The following MTMR3 variants were observed in gnomAD, a reference collection of about 807,000 sequenced individuals.
MTMR3 encodes myotubularin related protein 3, also known as phosphatidylinositol-3,5-bisphosphate 3-phosphatase MTMR3.
A neutral mutation model predicts 132.4 loss-of-function variants in MTMR3; 32 were observed. The observed-to-expected ratio is 0.24, with a 90% CI of 0.18 to 0.32. MTMR3 has a LOEUF of 0.32. Ranked by LOEUF, MTMR3 falls within the 10% of genes least tolerant of loss-of-function variation. The pLI, the probability that MTMR3 is intolerant of heterozygous loss-of-function variation, is 1.00. For missense variants in MTMR3, 1,216 were observed against 1,489.6 expected (o/e 0.82, Z 3.02); for synonymous variants, 556 against 550.3 (o/e 1.01, Z -0.14).
chr22:29,958,238 A>G (rs2066239872), intron 2 of MTMR3, among the ~76,000 whole-genome samples: 1 of 152,164 alleles, frequency 6.6e-6, no homozygotes, highest in African/African-American at 2.4e-5. Context: ...GTAAATCTTT[A>G]TTAGTGCCTC....
intron 1 of MTMR3, among the ~76,000 whole-genome samples, chr22:29,906,641 C>T (rs2065109800): frequency 6.6e-6 from 1 of 152,052 alleles, no homozygotes; most frequent in East Asian, 1.9e-4. Context: ...TGGCCTGTCT[C>T]ACTTTTTATA....
intron 2 of MTMR3, among the ~76,000 whole-genome samples, chr22:29,959,352 T>C (rs370169476): frequency 6.6e-6 from 1 of 152,144 alleles, no homozygotes; most frequent in African/African-American, 2.4e-5. Context: ...AGATCTGTAG[T>C]GAAGGAAATG....
rs2067784293 is a variant in MTMR3 at position 30,022,379 on chromosome 22, C to CA, written c.3337-229dup. The CA allele has an allele frequency of 2.1e-5, 13 of 607,792 alleles. No individual in the cohort carries two copies. The East Asian group carries it at 3.3e-4, about 15-fold the overall frequency. 37.6% of individuals were successfully genotyped at this position (607,792 alleles called of 1,614,324 possible). On this transcript the variant is annotated intron_variant, in intron 18 of 19. Transcript: ENST00000401950. ...TATGAACTGGAGCCTTGCCAGCTCT[C>CA]ACAGTGACCCAGGGTGCTGCTGCCT...
Position 30,029,533 on chromosome 22 carries a change from A to G in MTMR3, c.*3732A>G, listed in dbSNP as rs1451607621. ...GCTATTAAAAAACATCAAGATGAGA[A>G]TTAAAGGCATATCCTGATATACTTG... is the stretch of plus-strand genomic sequence containing the variant. On this transcript the variant is annotated 3_prime_UTR_variant, in exon 20 of 20. Transcript: ENST00000401950. The G allele has an allele frequency of 6.6e-6, 1 of 152,372 alleles. No individual in the cohort carries two copies. Among genetic ancestry groups the G allele is most frequent in the Non-Finnish European group, 1.5e-5 (1 of 68,052 alleles). The allele number at this position is 152,372 out of a possible 1,614,324, so 9.4% of individuals were successfully genotyped here.
intron 8 of MTMR3, chr22:30,002,612 A>T (rs1199626504): frequency 3.6e-6 from 1 of 281,604 alleles, no homozygotes. Context: ...AAAAGGTAGC[A>T]TCAAGTGGAA....
intron 2 of MTMR3, among the ~76,000 whole-genome samples, chr22:29,963,652 C>T (rs2066358117): frequency 6.6e-6 from 1 of 151,914 alleles, no homozygotes; most frequent in African/African-American, 2.4e-5. Flanking sequence ...TCCCAAAATG[C>T]TGGGATTACA....
intron 2 of MTMR3, among the ~76,000 whole-genome samples, chr22:29,966,346 G>A (rs2066414548): frequency 6.6e-6 from 1 of 152,032 alleles, no homozygotes; most frequent in African/African-American, 2.4e-5. Context: ...CTTATACTTT[G>A]AATAAGAATC....
intron 1 of MTMR3, among the ~76,000 whole-genome samples, chr22:29,922,926 TCA>T (rs2065445671): frequency 1.3e-5 from 2 of 150,924 alleles, no homozygotes; most frequent in Admixed American, 6.6e-5. Context: ...TCTCACTCTG[TCA>T]CCCAGACTGG....
chr22:30,025,031 T>C (rs1426289936), intron 19 of MTMR3: 1 of 155,188 alleles, frequency 6.4e-6, no homozygotes, highest in Non-Finnish European at 1.4e-5. Flanking sequence ...TGTGTTCTTG[T>C]CCTCCCACCT....
rs764552509 is a variant in MTMR3 at position 29,979,064 on chromosome 22, C to T, written c.210+12C>T. ...AGTCTCTTGTTAATGTAAGTGATTA[C>T]CAGCTGTTCTCCCTCTAAGGTAAAT... On this transcript the variant is annotated intron_variant, in intron 5 of 19. Transcript: ENST00000401950. 6.5e-7 allele frequency: 1 copy of T among 1,531,286 alleles called. No homozygotes were observed. Among genetic ancestry groups the T allele is most frequent in the South Asian group, 1.1e-5 (1 of 89,394 alleles). The allele number at this position is 1,531,286 out of a possible 1,614,324, so 94.9% of individuals were successfully genotyped here.
At chr22:30,009,215 A>G in intron 12 of MTMR3, 86 bp downstream of exon 12, 1 of 945,924 alleles carries the variant, frequency 1.1e-6, no homozygotes, top group Admixed American at 2.1e-5. Flanking sequence ...GAAAAAAAGA[A>G]AAAAAAATTA....
chr22:29,951,828 C>T (rs1046963156), intron 1 of MTMR3, among the ~76,000 whole-genome samples: 1 of 150,250 alleles, frequency 6.7e-6, no homozygotes, highest in African/African-American at 2.4e-5. Context: ...AGAGTTTTCA[C>T]TTGTTAATAG....
chr22:29,973,376 T>C (rs961933591), intron 3 of MTMR3, among the ~76,000 whole-genome samples: 1 of 152,218 alleles, frequency 6.6e-6, no homozygotes, highest in Non-Finnish European at 1.5e-5. Flanking sequence ...TTCATGACTA[T>C]TCTTGTTTCA....
intron 1 of MTMR3, among the ~76,000 whole-genome samples, chr22:29,936,563 C>G (rs563876772): frequency 1.8e-4 from 28 of 151,650 alleles, no homozygotes; most frequent in South Asian, 6.2e-4. Context: ...TGTTTCAATG[C>G]TGAAATAAAG....
chr22:29,938,655 C>T (rs2065796904), intron 1 of MTMR3, among the ~76,000 whole-genome samples: 1 of 151,984 alleles, frequency 6.6e-6, no homozygotes, highest in Non-Finnish European at 1.5e-5. Flanking sequence ...AAATCTGAGT[C>T]TCTGATGTGG....
chr22:30,011,568 G>T (rs1373341754), intron 12 of MTMR3: 1 of 152,212 alleles, frequency 6.6e-6, no homozygotes, highest in Non-Finnish European at 1.5e-5. Context: ...TCACCATGTT[G>T]GCCAGGCTGG....
rs1297449636 is a variant in MTMR3 at position 30,027,699 on chromosome 22, G to T, written c.*1898G>T. The T allele has an allele frequency of 6.5e-6, 1 of 152,688 alleles. No individual in the cohort carries two copies. The highest frequency in any genetic ancestry group is 1.5e-5 in the Non-Finnish European group (1 of 68,034). 9.5% of individuals were successfully genotyped at this position (152,688 alleles called of 1,614,324 possible). Reference sequence around the variant, plus strand: ...ATTAATATTTTCCTTTGTTAAAGGAGGAACCGTAACTCTCCATAGCTGTAC... The same window carrying T: ...ATTAATATTTTCCTTTGTTAAAGGATGAACCGTAACTCTCCATAGCTGTAC... On this transcript the variant is annotated 3_prime_UTR_variant, in exon 20 of 20. Coordinates refer to ENST00000401950, the MANE Select transcript of MTMR3 (RefSeq NM_021090.4).
chr22:29,919,720 G>A (rs936479560), intron 1 of MTMR3, among the ~76,000 whole-genome samples: 6 of 151,984 alleles, frequency 3.9e-5, no homozygotes, highest in African/African-American at 9.7e-5. Context: ...TAGAGATGGA[G>A]TCTCACTGTA....
intron 5 of MTMR3, chr22:29,986,570 C>T (rs1299002776): frequency 3.0e-6 from 3 of 984,410 alleles, no homozygotes; most frequent in South Asian, 4.7e-5. Flanking sequence ...TGCAGTTTCT[C>T]ACAGCACCTT....
Sources: gnomAD v4.1 joint callset for allele counts (sites outside exome capture counted in the v4.1 genomes callset) on GRCh38, gnomAD v4.1.1 for gene constraint, MANE v1.5 for transcripts, NCBI Gene and HGNC (gene_info 2026-07-23, HGNC 2026-07-21) for gene names.